ASIC2: variants seen among roughly 807,000 people sequenced by gnomAD.
ASIC2 encodes the protein acid-sensing ion channel 2.
ASIC2 carries 25 observed loss-of-function variants against 57.3 expected under a neutral mutation model. The observed-to-expected ratio is 0.44, with a 90% confidence interval of 0.32 to 0.61. ASIC2 has a LOEUF of 0.61. Ranked by LOEUF, ASIC2 falls within the 20% of genes least tolerant of loss-of-function variation. The pLI, the probability that ASIC2 is intolerant of heterozygous loss-of-function variation, is 0.06. For missense variants in ASIC2, 641 were observed against 738.1 expected, an observed-to-expected ratio of 0.87 and a Z score of 1.52; for synonymous variants, 319 against 307.5, an observed-to-expected ratio of 1.04 and a Z score of -0.39.
chr17:33,324,562 T>C (rs1906993664), intron 1 of ASIC2, among the ~76,000 whole-genome samples: 1 of 152,172 alleles, frequency 6.6e-6, no homozygotes, highest in South Asian at 2.1e-4. Flanking sequence ...CCTACCTAGA[T>C]CTGTGTGTAC....
chr17:33,088,052 C>T (rs1022799209), intron 3 of ASIC2, among the ~76,000 whole-genome samples: 4 of 152,254 alleles, frequency 2.6e-5, no homozygotes, highest in African/African-American at 7.2e-5. Context: ...AGAGCAGGTG[C>T]CTTCACTACT....
intron 1 of ASIC2, among the ~76,000 whole-genome samples, chr17:33,230,178 A>G (rs1274258603): frequency 6.6e-6 from 1 of 152,254 alleles, no homozygotes; most frequent in Non-Finnish European, 1.5e-5. Context: ...ACTCTGCCTA[A>G]TAAATGGTCA....
At chr17:33,176,786 T>C (rs1168774422) in intron 1 of ASIC2, among the ~76,000 whole-genome samples, 2 of 152,206 alleles carry the variant, frequency 1.3e-5, no homozygotes, top group African/African-American at 4.8e-5. Context: ...CCAAACTATC[T>C]TTCAAAGACC....
At chr17:33,753,738 G>T (rs772661267) in intron 1 of ASIC2, among the ~76,000 whole-genome samples, 4 of 152,174 alleles carry the variant, frequency 2.6e-5, no homozygotes, top group Non-Finnish European at 4.4e-5. Context: ...GTGTATGAGT[G>T]GTTTGAAGTA....
chr17:33,520,644 G>A (rs1412645053), intron 1 of ASIC2, among the ~76,000 whole-genome samples: 1 of 152,260 alleles, frequency 6.6e-6, no homozygotes, highest in African/African-American at 2.4e-5. Flanking sequence ...CAGTCTGGCT[G>A]ATCCCCTTAC....
chr17:33,711,264 G>A (rs1240378151), intron 1 of ASIC2, among the ~76,000 whole-genome samples: 2 of 152,194 alleles, frequency 1.3e-5, no homozygotes, highest in Non-Finnish European at 2.9e-5. Context: ...TCCAACCCGT[G>A]TTGGTCTGTG....
Position 33,061,764 on chromosome 17 carries a change from G to C in ASIC2, c.987+27099C>G, listed in dbSNP as rs976170169. Among the ~76,000 whole-genome samples, 3 of 152,302 alleles carry C rather than the reference G, an allele frequency of 2.0e-5. No individual in the cohort carries two copies. In the South Asian group the frequency reaches 6.2e-4, roughly 32 times the overall value. ...ACCAGCTCCTCCTTGTACTCTGGTAGATTTTGGCTGTGAATCCATCTGGTC... is the reference window on the plus strand; with the variant it reads ...ACCAGCTCCTCCTTGTACTCTGGTACATTTTGGCTGTGAATCCATCTGGTC... On this transcript the variant is annotated intron_variant, in intron 3 of 9. Coordinates refer to ENST00000225823, the MANE Select transcript of ASIC2 (RefSeq NM_183377.2).
At chr17:33,516,161 C>T (rs998040168) in intron 1 of ASIC2, among the ~76,000 whole-genome samples, 8 of 144,748 alleles carry the variant, frequency 5.5e-5, no homozygotes, top group African/African-American at 1.0e-4. Flanking sequence ...AAAACAAGAA[C>T]GCAGAGCGCA....
intron 1 of ASIC2, among the ~76,000 whole-genome samples, chr17:34,106,020 T>C (rs1911038886): frequency 6.6e-6 from 1 of 152,104 alleles, no homozygotes. Context: ...CCTATCTAGT[T>C]GTCAAGTTTC....
chr17:33,651,737 A>G lies in ASIC2; in HGVS notation c.555+504241T>C, dbSNP rs116343526. On this transcript the variant is annotated intron_variant, in intron 1 of 9. Coordinates refer to the ASIC2 transcript ENST00000359872. ...GCTGTGGAGAGAGGTGGGCAGTAAA[A>G]CACATGCTCCAGCTGTAGCCATGTC... Among the ~76,000 whole-genome samples, 1,005 of 152,328 alleles carry G rather than the reference A, an allele frequency of 6.6e-3. 17 individuals carry two copies. Among genetic ancestry groups the G allele is most frequent in the African/African-American group, 0.022 (922 of 41,574 alleles).
intron 1 of ASIC2, among the ~76,000 whole-genome samples, chr17:33,816,915 A>G (rs1912600286): frequency 6.6e-6 from 1 of 152,198 alleles, no homozygotes; most frequent in African/African-American, 2.4e-5. Flanking sequence ...CATAAAGCAA[A>G]CCAGTGATTG....
At chr17:33,728,298 G>T (rs1240301352) in intron 1 of ASIC2, among the ~76,000 whole-genome samples, 1 of 152,088 alleles carries the variant, frequency 6.6e-6, no homozygotes, top group Non-Finnish European at 1.5e-5. Context: ...CAGCATAAGG[G>T]ACCTCCAGAC....
chr17:33,712,638 T>G, intron 1 of ASIC2, among the ~76,000 whole-genome samples: 1 of 56,768 alleles, frequency 1.8e-5, no homozygotes, highest in African/African-American at 5.0e-5. Flanking sequence ...TCATATGGCT[T>G]TTTTTTTTTT....
chr17:33,651,894 C>T (rs1437126354), intron 1 of ASIC2, among the ~76,000 whole-genome samples: 1 of 152,166 alleles, frequency 6.6e-6, no homozygotes, highest in African/African-American at 2.4e-5. Context: ...CTCTCCTGGA[C>T]AAACTGCTCT....
intron 1 of ASIC2, among the ~76,000 whole-genome samples, chr17:33,287,558 A>G (rs1905247238): frequency 6.6e-6 from 1 of 152,238 alleles, no homozygotes; most frequent in Non-Finnish European, 1.5e-5. Context: ...GAAACAACAC[A>G]GGCATTCAGA....
At chr17:33,404,133 A>G (rs776996918) in intron 1 of ASIC2, among the ~76,000 whole-genome samples, 1 of 152,234 alleles carries the variant, frequency 6.6e-6, no homozygotes, top group South Asian at 2.1e-4. Flanking sequence ...GGTTCAAATG[A>G]TAGAGTAAAA....
At chr17:33,954,794 T>G (rs1301811806) in intron 1 of ASIC2, among the ~76,000 whole-genome samples, 1 of 152,184 alleles carries the variant, frequency 6.6e-6, no homozygotes, top group Non-Finnish European at 1.5e-5. Flanking sequence ...CACACAACAT[T>G]CACATTGTCA....
intron 1 of ASIC2, chr17:33,290,676 A>ATTTT (rs1026503134): frequency 6.6e-5 from 10 of 152,248 alleles, no homozygotes; most frequent in African/African-American, 2.4e-4. Context: ...CCACACTTAC[A>ATTTT]TTTTATGGGG....
chr17:33,662,381 G>A (rs1050304115), intron 1 of ASIC2, among the ~76,000 whole-genome samples: 1 of 152,014 alleles, frequency 6.6e-6, no homozygotes, highest in African/African-American at 2.4e-5. Flanking sequence ...AGCACTTTGG[G>A]AGACCGAGGT....
Sources: allele counts gnomAD v4.1 joint callset (sites outside exome capture counted in the v4.1 genomes callset), GRCh38; gene constraint gnomAD v4.1.1; transcripts MANE v1.5; gene names NCBI Gene and HGNC (gene_info 2026-07-23, HGNC 2026-07-21).